Variants in DEPTOR observed in about 807,000 individuals in gnomAD.
DEPTOR encodes the protein DEP domain-containing mTOR-interacting protein.
Under a neutral mutation model 41.6 loss-of-function variants are expected in DEPTOR, and 41 were observed. The ratio of observed to expected loss-of-function variants is 0.98; its 90% CI spans 0.77 to 1.28. DEPTOR has a LOEUF of 1.28. DEPTOR is among the 50% of genes most tolerant of loss of function. The pLI, the probability that DEPTOR is intolerant of heterozygous loss-of-function variation, is 0.00. For synonymous variants in DEPTOR, 195 were observed against 192.3 expected (o/e 1.01, Z -0.12); for missense variants, 514 against 527.9 (o/e 0.97, Z 0.26).
intron 8 of DEPTOR, among the ~76,000 whole-genome samples, chr8:120,009,451 A>C (rs1812498822): frequency 6.6e-6 from 1 of 151,862 alleles, no homozygotes; most frequent in Admixed American, 6.6e-5. Context: ...TATCCCTACT[A>C]AAAATACAAA....
chr8:119,977,104 G>A (rs931446630), intron 4 of DEPTOR, among the ~76,000 whole-genome samples: 1 of 152,068 alleles, frequency 6.6e-6, no homozygotes, highest in African/African-American at 2.4e-5. Flanking sequence ...GGGTTGTAGC[G>A]ATTCTCCTGC....
chr8:119,929,537 A>G (rs1270459102), intron 2 of DEPTOR, among the ~76,000 whole-genome samples: 2 of 152,116 alleles, frequency 1.3e-5, no homozygotes, highest in Non-Finnish European at 2.9e-5. Flanking sequence ...TGCATGATGA[A>G]TTGAATTGTG....
intron 4 of DEPTOR, among the ~76,000 whole-genome samples, chr8:119,998,220 T>C (rs371683678): frequency 1.2e-4 from 19 of 152,112 alleles, no homozygotes; most frequent in African/African-American, 4.6e-4. Flanking sequence ...TCCTGAGTAG[T>C]TGGGACTAAA....
intron 1 of DEPTOR, among the ~76,000 whole-genome samples, chr8:119,917,403 G>C (rs1487296440): frequency 6.6e-6 from 1 of 152,176 alleles, no homozygotes; most frequent in Non-Finnish European, 1.5e-5. Flanking sequence ...ACTCCATTTT[G>C]TTCTGTAATC....
At chr8:119,997,756 G>A (rs1451861930) in intron 4 of DEPTOR, among the ~76,000 whole-genome samples, 1 of 152,192 alleles carries the variant, frequency 6.6e-6, no homozygotes, top group African/African-American at 2.4e-5. Flanking sequence ...ATTAACATAT[G>A]TAGATAATAA....
intron 8 of DEPTOR, among the ~76,000 whole-genome samples, chr8:120,035,973 A>C (rs923263124): frequency 1.3e-5 from 2 of 152,228 alleles, no homozygotes; most frequent in African/African-American, 4.8e-5. Flanking sequence ...GTCGGTCACA[A>C]ATTCTCCCTT....
At chr8:119,896,531 G>A (rs905390305) in intron 1 of DEPTOR, among the ~76,000 whole-genome samples, 6 of 152,022 alleles carry the variant, frequency 3.9e-5, no homozygotes, top group Non-Finnish European at 8.8e-5. Context: ...CCTGAGTCTC[G>A]CTCTGTTGCC....
intron 4 of DEPTOR, among the ~76,000 whole-genome samples, chr8:119,970,204 T>C (rs1350728889): frequency 1.3e-5 from 2 of 152,266 alleles, no homozygotes; most frequent in Non-Finnish European, 2.9e-5. Flanking sequence ...TTTATAGATG[T>C]GTACCATCTA....
chr8:120,015,349 G>A (rs901879389), intron 8 of DEPTOR, among the ~76,000 whole-genome samples: 8 of 152,178 alleles, frequency 5.3e-5, no homozygotes, highest in East Asian at 1.9e-4. Flanking sequence ...TATTCCTCCC[G>A]TCTTTCTCCA....
chr8:119,904,163 G>A (rs563004297), intron 1 of DEPTOR, among the ~76,000 whole-genome samples: 1 of 151,700 alleles, frequency 6.6e-6, no homozygotes, highest in Admixed American at 6.6e-5. Flanking sequence ...CGTCTCCCAG[G>A]TTGGAGTACA....
intron 4 of DEPTOR, among the ~76,000 whole-genome samples, chr8:119,974,260 A>G (rs1487909797): frequency 7.0e-6 from 1 of 143,542 alleles, no homozygotes; most frequent in African/African-American, 2.5e-5. Flanking sequence ...AAAAAAAAAA[A>G]AAAGAGAAAG....
chr8:119,999,138 G>A lies in DEPTOR; in HGVS notation c.605-2387G>A, dbSNP rs188420455. On this transcript the variant is annotated intron_variant, in intron 4 of 8. Coordinates refer to ENST00000286234, the MANE Select transcript of DEPTOR (RefSeq NM_022783.4). ...ATTAGCCAGGTATGGGTGTGGTGGC[G>A]CATGCCTGTAATCCCAGCTACTTCG... Among the ~76,000 whole-genome samples, 434 of 151,778 alleles carry A rather than the reference G, an allele frequency of 2.9e-3. 5 individuals carry two copies. Among genetic ancestry groups the A allele is most frequent in the African/African-American group, 0.01 (416 of 41,424 alleles).
At chr8:119,943,797 T>A (rs1332482405) in intron 3 of DEPTOR, among the ~76,000 whole-genome samples, 2 of 152,176 alleles carry the variant, frequency 1.3e-5, no homozygotes, top group Non-Finnish European at 2.9e-5. Flanking sequence ...ATAGCTTTGG[T>A]AGTTCCTTTA....
intron 8 of DEPTOR, among the ~76,000 whole-genome samples, 179 bp downstream of exon 8, chr8:120,009,312 T>C (rs1812495665): frequency 6.6e-6 from 1 of 152,080 alleles, no homozygotes; most frequent in African/African-American, 2.4e-5. Context: ...TCTCCTCTAA[T>C]AAACATTTAG....
intron 4 of DEPTOR, 114 bp from the exon 5 acceptor site, chr8:120,001,411 A>C (rs367638011): frequency 3.0e-5 from 22 of 734,792 alleles, no homozygotes; most frequent in African/African-American, 1.5e-4. Context: ...GCATCTGTGG[A>C]AGAGAAGTCT....
chr8:119,987,019 A>G (rs1828837974), intron 4 of DEPTOR, among the ~76,000 whole-genome samples: 1 of 151,988 alleles, frequency 6.6e-6, no homozygotes, highest in South Asian at 2.1e-4. Flanking sequence ...CATCTTCTGA[A>G]GCCTACTTCT....
intron 8 of DEPTOR, among the ~76,000 whole-genome samples, chr8:120,025,167 A>G (rs947160974): frequency 1.3e-5 from 2 of 152,218 alleles, no homozygotes; most frequent in Non-Finnish European, 2.9e-5. Flanking sequence ...ATTAAATGTA[A>G]TGTTTAATTA....
intron 4 of DEPTOR, among the ~76,000 whole-genome samples, chr8:119,974,222 G>A: frequency 9.2e-6 from 1 of 108,126 alleles, no homozygotes; most frequent in African/African-American, 3.5e-5. Context: ...AACATAGTGA[G>A]ATCTTGTCTC....
At chr8:119,874,255 C>T in intron 1 of DEPTOR, 3 of 417,640 alleles carry the variant, frequency 7.2e-6, no homozygotes, top group Non-Finnish European at 1.3e-5. Flanking sequence ...AAAGTCCCTG[C>T]CACCCACCGC....
Sources: allele counts gnomAD v4.1 joint callset (sites outside exome capture counted in the v4.1 genomes callset), GRCh38; gene constraint gnomAD v4.1.1; transcripts MANE v1.5; gene names NCBI Gene and HGNC (gene_info 2026-07-23, HGNC 2026-07-21).